Variants in TMSB15B observed in about 807,000 individuals in gnomAD.
The protein encoded by TMSB15B is thymosin beta 15B.
rs1408831065 is a variant in TMSB15B, at chrX:103,920,118, TA to T, written c.-721+830del. On this transcript the variant is annotated intron_variant, in intron 1 of 3. Transcript: ENST00000419165. ...ATACTACAAAAAGCTGCCCTTTTTA[TA>T]AAAGCAACATAATTTCGACAGCCCT... 6.2e-5 allele frequency among the ~76,000 whole-genome samples: 7 copies of T among 112,135 alleles called. 1 individual carries two copies. Among genetic ancestry groups the T allele is most frequent in the Non-Finnish European group, 1.3e-4 (7 of 53,236 alleles).
intron 1 of TMSB15B, among the ~76,000 whole-genome samples, chrX:103,936,530 G>A (rs1440642872): frequency 5.3e-5 from 6 of 112,200 alleles, no homozygotes; most frequent in Non-Finnish European, 1.1e-4. Flanking sequence ...TTGCTTATCA[G>A]CTTAAGGAGT....
chrX:103,931,666 G>A (rs1195763731), intron 1 of TMSB15B: 2 of 112,478 alleles, frequency 1.8e-5, no homozygotes, highest in African/African-American at 6.5e-5. Flanking sequence ...ATATATATTT[G>A]CTCTTCGATC....
intron 1 of TMSB15B, among the ~76,000 whole-genome samples, chrX:103,941,166 C>T (rs781795180): frequency 4.5e-5 from 5 of 111,972 alleles, no homozygotes; most frequent in African/African-American, 6.5e-5. Flanking sequence ...AGCCATCTTG[C>T]CCAGGAGTCT....
At chrX:103,936,958 G>C (rs183833083) in intron 1 of TMSB15B, among the ~76,000 whole-genome samples, 2 of 111,538 alleles carry the variant, frequency 1.8e-5, no homozygotes, top group East Asian at 5.6e-4. Context: ...TTATGTGATG[G>C]TTCTGTTTAC....
At chrX:103,948,622 A>T (rs1282275788) in intron 1 of TMSB15B, among the ~76,000 whole-genome samples, 1 of 112,862 alleles carries the variant, frequency 8.9e-6, no homozygotes, top group Non-Finnish European at 1.9e-5. Context: ...CAGTTACAGT[A>T]TAAGCATAGG....
chrX:103,952,078 A>T (rs1406561473), intron 1 of TMSB15B, among the ~76,000 whole-genome samples: 1 of 111,383 alleles, frequency 9.0e-6, no homozygotes, highest in Non-Finnish European at 1.9e-5. Flanking sequence ...TATCAGAATG[A>T]TTTTGTTTTG....
chrX:103,941,212 G>A (rs1202279848), intron 1 of TMSB15B, among the ~76,000 whole-genome samples: 1 of 112,302 alleles, frequency 8.9e-6, no homozygotes, highest in Non-Finnish European at 1.9e-5. Context: ...CTATTAAAAT[G>A]TGTACATATA....
At chrX:103,934,875 C>A (rs148181871) in intron 1 of TMSB15B, among the ~76,000 whole-genome samples, 2,190 of 111,745 alleles carry the variant, frequency 0.02, 66 homozygotes, top group African/African-American at 0.068. Flanking sequence ...ATTGCTGAGT[C>A]AAATGGTATT....
intron 1 of TMSB15B, among the ~76,000 whole-genome samples, chrX:103,927,168 T>C (rs2074970677): frequency 9.0e-6 from 1 of 111,169 alleles, no homozygotes; most frequent in African/African-American, 3.3e-5. Flanking sequence ...TCTAGTACAG[T>C]GGTGCTGAGC....
intron 1 of TMSB15B, among the ~76,000 whole-genome samples, chrX:103,950,919 T>C (rs187786754): frequency 2.0e-3 from 222 of 111,280 alleles, no homozygotes; most frequent in Non-Finnish European, 3.1e-3. Flanking sequence ...TGGCTGGCTT[T>C]AGAGTGCAGT....
chrX:103,927,847 T>C (rs1182497728), intron 1 of TMSB15B, among the ~76,000 whole-genome samples: 8 of 111,248 alleles, frequency 7.2e-5, no homozygotes, highest in Non-Finnish European at 1.1e-4. Context: ...AATACTGTAG[T>C]GGTGGCTCTG....
chrX:103,921,198 G>C (rs1329310627), intron 1 of TMSB15B, among the ~76,000 whole-genome samples: 1 of 111,934 alleles, frequency 8.9e-6, no homozygotes, highest in Non-Finnish European at 1.9e-5. Context: ...CCTGTGGATG[G>C]AACAGTGGGG....
In TMSB15B at chrX:103,928,338, C is replaced by T. The variant is rs2074975006; in HGVS notation, c.-721+9046C>T. The T allele has an allele frequency of 3.0e-5, 36 of 1,208,593 alleles. No individual in the cohort carries two copies. The South Asian group carries it at 5.1e-4, about 17-fold the overall frequency. ...GTCCTCAATACTTCTACCGGGGAAT[C>T]TACCCTCCTCTTCTCTCCAAGATGT... On this transcript the variant is annotated intron_variant, in intron 1 of 3. Transcript: ENST00000419165.
intron 1 of TMSB15B, among the ~76,000 whole-genome samples, chrX:103,921,212 T>C (rs1461852647): frequency 1.8e-5 from 2 of 111,495 alleles, no homozygotes; most frequent in African/African-American, 3.3e-5. Context: ...AGTGGGGTAG[T>C]GGTGGTGGAA....
intron 1 of TMSB15B, chrX:103,928,456 G>A: frequency 8.3e-7 from 1 of 1,204,395 alleles, no homozygotes; most frequent in Non-Finnish European, 1.1e-6. Flanking sequence ...CTGGGCTGCA[G>A]GGATCATGTC....
At position 103,942,123 on chromosome X, in the gene TMSB15B, C is replaced by T. The variant is rs1438193423; in HGVS notation, c.-720-19898C>T. Among the ~76,000 whole-genome samples the T allele has an allele frequency of 3.6e-5, 4 of 111,246 alleles. No individual in the cohort carries two copies. In the East Asian group the frequency reaches 8.4e-4, roughly 23 times the overall value. The stretch of plus-strand genomic sequence containing the variant: ...TAAATTCTAATTATAAGATAGATAC[C>T]GAAGTTATCAATCCTTTTTTATGGT... On this transcript the variant is annotated intron_variant, in intron 1 of 3. Coordinates refer to the TMSB15B transcript ENST00000419165.
chrX:103,953,135 C>T (rs1277706934), intron 1 of TMSB15B, among the ~76,000 whole-genome samples: 1 of 111,411 alleles, frequency 9.0e-6, no homozygotes, highest in Non-Finnish European at 1.9e-5. Context: ...GGAAGCTCCC[C>T]ACCGAAAGAA....
intron 1 of TMSB15B, among the ~76,000 whole-genome samples, chrX:103,947,969 C>T (rs1185006386): frequency 1.8e-5 from 2 of 111,278 alleles, no homozygotes; most frequent in African/African-American, 6.6e-5. Flanking sequence ...TGTTCTCACC[C>T]ATAAGTGAGA....
At chrX:103,930,277 A>T (rs1397021002) in intron 1 of TMSB15B, among the ~76,000 whole-genome samples, 1 of 111,199 alleles carries the variant, frequency 9.0e-6, no homozygotes, top group Non-Finnish European at 1.9e-5. Flanking sequence ...CAGTCTACCA[A>T]AATCCTTCCA....
Sources: gnomAD v4.1 joint callset for allele counts (sites outside exome capture counted in the v4.1 genomes callset) on GRCh38, gnomAD v4.1.1 for gene constraint, MANE v1.5 for transcripts, NCBI Gene and HGNC (gene_info 2026-07-23, HGNC 2026-07-21) for gene names.